Variants in PPP1R9A observed in about 807,000 individuals in gnomAD.
PPP1R9A encodes neurabin-1.
A neutral mutation model predicts 141.9 loss-of-function variants in PPP1R9A; 59 were observed. The ratio of observed to expected loss-of-function variants is 0.42; its 90% CI spans 0.34 to 0.52. The LOEUF is 0.52. Ranked by LOEUF, PPP1R9A falls within the 20% of genes least tolerant of loss-of-function variation. PPP1R9A has a pLI of 0.10. For synonymous variants in PPP1R9A, 500 were observed against 569.7 expected, an observed-to-expected ratio of 0.88 and a Z score of 1.74; for missense variants, 1,444 against 1,611.9, an observed-to-expected ratio of 0.90 and a Z score of 1.78.
At chr7:94,999,002 C>T (rs1050417765) in intron 2 of PPP1R9A, among the ~76,000 whole-genome samples, 6 of 152,172 alleles carry the variant, frequency 3.9e-5, no homozygotes, top group East Asian at 3.8e-4. Flanking sequence ...TGATTCTCCC[C>T]GCTTGGCTTC....
intron 12 of PPP1R9A, among the ~76,000 whole-genome samples, chr7:95,261,176 G>A (rs1032660244): frequency 2.0e-5 from 3 of 151,832 alleles, no homozygotes; most frequent in Non-Finnish European, 4.4e-5. Flanking sequence ...CAGTGTTCAC[G>A]TAAGATATCT....
chr7:95,201,900 G>A (rs1033347189), intron 6 of PPP1R9A, among the ~76,000 whole-genome samples: 1 of 152,154 alleles, frequency 6.6e-6, no homozygotes, highest in Non-Finnish European at 1.5e-5. Context: ...TCATCCAACT[G>A]ATTTCCAGAG....
chr7:95,055,816 C>T (rs573158286), intron 2 of PPP1R9A, among the ~76,000 whole-genome samples: 3 of 152,028 alleles, frequency 2.0e-5, no homozygotes, highest in Non-Finnish European at 2.9e-5. Context: ...CTAAGTTTGA[C>T]CTCAACATAC....
chr7:95,279,316 T>A (rs1421887384), intron 16 of PPP1R9A, among the ~76,000 whole-genome samples: 1 of 152,162 alleles, frequency 6.6e-6, no homozygotes, highest in African/African-American at 2.4e-5. Flanking sequence ...TTAAGAATCA[T>A]CTGAGCTGGC....
intron 2 of PPP1R9A, among the ~76,000 whole-genome samples, chr7:94,950,740 T>A (rs1369060876): frequency 6.6e-6 from 1 of 152,106 alleles, no homozygotes; most frequent in Non-Finnish European, 1.5e-5. Flanking sequence ...TAAAAGGCAA[T>A]TAATTTAAAA....
chr7:95,041,079 G>A (rs937837319), intron 2 of PPP1R9A, among the ~76,000 whole-genome samples: 1 of 152,206 alleles, frequency 6.6e-6, no homozygotes, highest in Non-Finnish European at 1.5e-5. Flanking sequence ...ATGTTTTGCA[G>A]AGTACAGTTT....
At chr7:95,090,931 A>G (rs922309080) in intron 2 of PPP1R9A, among the ~76,000 whole-genome samples, 2 of 152,062 alleles carry the variant, frequency 1.3e-5, no homozygotes, top group Non-Finnish European at 2.9e-5. Flanking sequence ...CTTTTCACAT[A>G]CCAAATATTT....
intron 5 of PPP1R9A, among the ~76,000 whole-genome samples, chr7:95,172,485 A>G (rs745573690): frequency 1.3e-4 from 20 of 151,818 alleles, no homozygotes; most frequent in Non-Finnish European, 2.8e-4. Flanking sequence ...CAGAGTGTAT[A>G]TACTATCAAC....
chr7:95,021,316 G>GT lies in PPP1R9A; in HGVS notation c.1396-89943_1396-89942insT, dbSNP rs1805922698. Among the ~76,000 whole-genome samples the GT allele has an allele frequency of 2.6e-5, 3 of 114,462 alleles. No individual in the cohort carries two copies. The Admixed American group carries it at 2.6e-4, about 10-fold the overall frequency. 75.1% of individuals were successfully genotyped at this position (114,462 alleles called of 152,430 possible). On this transcript the variant is annotated intron_variant, in intron 2 of 19. Coordinates refer to ENST00000433360, the MANE Select transcript of PPP1R9A (RefSeq NM_001166160.2). ...TCTTTGCTCACTTTTTGATGGGGTT[G>GT]GTTTTTTTTTTTTCTTGTAAATTTA...
intron 7 of PPP1R9A, among the ~76,000 whole-genome samples, chr7:95,206,607 C>T (rs1303621447): frequency 6.6e-6 from 1 of 152,104 alleles, no homozygotes; most frequent in African/African-American, 2.4e-5. Context: ...CACTCTCAGC[C>T]TGAGACAACT....
chr7:95,032,303 T>C (rs956712180), intron 2 of PPP1R9A, among the ~76,000 whole-genome samples: 47 of 152,188 alleles, frequency 3.1e-4, no homozygotes, highest in African/African-American at 1.1e-3. Context: ...ATGCATTTTA[T>C]GAAAACATGT....
At chr7:95,137,945 T>G (rs1203607884) in intron 4 of PPP1R9A, among the ~76,000 whole-genome samples, 1 of 151,014 alleles carries the variant, frequency 6.6e-6, no homozygotes, top group Non-Finnish European at 1.5e-5. Context: ...TTTTTTTTTT[T>G]TTTTTGAGAC....
At chr7:95,104,238 C>T (rs543431742) in intron 2 of PPP1R9A, among the ~76,000 whole-genome samples, 3 of 152,066 alleles carry the variant, frequency 2.0e-5, no homozygotes, top group Non-Finnish European at 4.4e-5. Context: ...TCCATTTGAT[C>T]CTGTTTTGTG....
intron 5 of PPP1R9A, among the ~76,000 whole-genome samples, chr7:95,165,930 C>G (rs1421322374): frequency 3.3e-5 from 5 of 152,016 alleles, no homozygotes; most frequent in East Asian, 3.9e-4. Context: ...GGTGGATCAT[C>G]TGAGGTCAGG....
chr7:95,198,917 T>A (rs1343604510), intron 6 of PPP1R9A, among the ~76,000 whole-genome samples: 1 of 152,198 alleles, frequency 6.6e-6, no homozygotes, highest in African/African-American at 2.4e-5. Context: ...CAAATATACA[T>A]AGAAAAGTAC....
intron 2 of PPP1R9A, 48 bp downstream of exon 2, chr7:94,911,556 A>G (rs1434945602): frequency 7.0e-7 from 1 of 1,430,668 alleles, no homozygotes. Context: ...TTTTAGTACT[A>G]GGGCCTAATT....
intron 8 of PPP1R9A, among the ~76,000 whole-genome samples, chr7:95,240,235 A>G (rs992643225): frequency 1.3e-5 from 2 of 152,104 alleles, no homozygotes; most frequent in South Asian, 2.1e-4. Context: ...AGTCTAACAT[A>G]AAGCTTGCAT....
intron 8 of PPP1R9A, among the ~76,000 whole-genome samples, chr7:95,227,509 A>G (rs1362640141): frequency 3.9e-5 from 6 of 152,216 alleles, no homozygotes; most frequent in Admixed American, 3.9e-4. Context: ...TTAGCAAATT[A>G]TGATACATTG....
intron 2 of PPP1R9A, among the ~76,000 whole-genome samples, chr7:95,005,508 CA>C (rs2151562162): frequency 6.6e-6 from 1 of 152,178 alleles, no homozygotes; most frequent in African/African-American, 2.4e-5. Context: ...TTCAGAATCG[CA>C]CAGATTTATT....
Sources: allele counts gnomAD v4.1 joint callset (sites outside exome capture counted in the v4.1 genomes callset), GRCh38; gene constraint gnomAD v4.1.1; transcripts MANE v1.5; gene names NCBI Gene and HGNC (gene_info 2026-07-23, HGNC 2026-07-21).